SLC35F1: variants seen among roughly 807,000 people sequenced by gnomAD.
SLC35F1 encodes chromosome 6 open reading frame 169.
A neutral mutation model predicts 48.7 loss-of-function variants in SLC35F1; 14 were observed. The ratio of observed to expected loss-of-function variants is 0.29; its 90% CI spans 0.19 to 0.45. The LOEUF (loss-of-function observed/expected upper bound fraction) is 0.45, where lower values mean the gene tolerates loss of function less well. Ranked by LOEUF, SLC35F1 falls within the 20% of genes least tolerant of loss-of-function variation. The pLI is 1.00. For missense variants in SLC35F1, 404 were observed against 500.0 expected (o/e 0.81, Z 1.83); for synonymous variants, 190 against 202.2 (o/e 0.94, Z 0.51).
chr6:118,270,179 G>A (rs1057340176), intron 4 of SLC35F1, among the ~76,000 whole-genome samples: 6 of 151,930 alleles, frequency 3.9e-5, no homozygotes, highest in East Asian at 1.9e-4. Flanking sequence ...CATTGATGTC[G>A]GCCCTTTCAA....
intron 1 of SLC35F1, among the ~76,000 whole-genome samples, chr6:117,981,573 C>T (rs115471462): frequency 0.011 from 1,629 of 152,046 alleles, 26 homozygotes; most frequent in African/African-American, 0.035. Context: ...ATTGAAATGC[C>T]TCTGTATGGT....
chr6:117,993,028 C>A (rs906204641), intron 1 of SLC35F1, among the ~76,000 whole-genome samples: 4 of 152,170 alleles, frequency 2.6e-5, no homozygotes, highest in African/African-American at 9.6e-5. Flanking sequence ...AGCCACAGAC[C>A]CCGTTTATCA....
intron 2 of SLC35F1, among the ~76,000 whole-genome samples, chr6:118,228,876 A>C (rs190569128): frequency 8.6e-4 from 131 of 152,052 alleles, no homozygotes; most frequent in African/African-American, 2.9e-3. Context: ...GTTCTGGCGT[A>C]AAAACACCAT....
chr6:118,024,328 T>A (rs1404664405), intron 1 of SLC35F1, among the ~76,000 whole-genome samples: 1 of 152,132 alleles, frequency 6.6e-6, no homozygotes, highest in African/African-American at 2.4e-5. Context: ...TTCTCCAACA[T>A]AGTGCTAATT....
At chr6:118,253,124 G>A (rs1582753446) in intron 3 of SLC35F1, among the ~76,000 whole-genome samples, 1 of 152,132 alleles carries the variant, frequency 6.6e-6, no homozygotes, top group Non-Finnish European at 1.5e-5. Flanking sequence ...AGAACGGTAG[G>A]TGAAATCATT....
chr6:117,954,213 C>T (rs1022329413), intron 1 of SLC35F1, among the ~76,000 whole-genome samples: 7 of 152,110 alleles, frequency 4.6e-5, no homozygotes, highest in Non-Finnish European at 5.9e-5. Context: ...GTGTAATGAA[C>T]ATGGTGAATA....
At chr6:118,291,282 CACAT>C (rs1198225144) in intron 7 of SLC35F1, among the ~76,000 whole-genome samples, 10 of 128,772 alleles carry the variant, frequency 7.8e-5, no homozygotes, top group East Asian at 4.3e-4. Context: ...CACACACACA[CACAT>C]ATATAATAAC....
intron 1 of SLC35F1, among the ~76,000 whole-genome samples, chr6:118,018,259 T>C (rs1024678525): frequency 3.3e-5 from 5 of 151,900 alleles, no homozygotes; most frequent in African/African-American, 1.2e-4. Context: ...TAATCCCAGC[T>C]ACTCGGGAGG....
rs1193588226 is a variant in SLC35F1, at chr6:118,315,663, T to C, written c.*1411T>C. ...ACCGTGTTAGCCAGGATGGTCTCGATCTCCTGACCTCGTGATCCGCCCACC... is the reference window on the plus strand; with the variant it reads ...ACCGTGTTAGCCAGGATGGTCTCGACCTCCTGACCTCGTGATCCGCCCACC... On this transcript the variant is annotated 3_prime_UTR_variant, in exon 8 of 8. Coordinates refer to ENST00000360388, the MANE Select transcript of SLC35F1 (RefSeq NM_001029858.4). 2.0e-5 allele frequency: 3 copies of C among 152,008 alleles called. No homozygotes were observed. The highest frequency in any genetic ancestry group is 1.9e-4 in the East Asian group (1 of 5,176). The allele number at this position is 152,008 out of a possible 1,614,324, so 9.4% of individuals were successfully genotyped here. A position where few individuals can be genotyped will look rare whatever the true frequency, so the allele number is the denominator to read the frequency against.
At chr6:118,023,304 G>C (rs568305739) in intron 1 of SLC35F1, among the ~76,000 whole-genome samples, 1 of 152,246 alleles carries the variant, frequency 6.6e-6, no homozygotes, top group South Asian at 2.1e-4. Flanking sequence ...ATATTGTGTA[G>C]AGTTCAAGAT....
chr6:118,272,229 G>A (rs757668858), intron 4 of SLC35F1, among the ~76,000 whole-genome samples: 4 of 152,102 alleles, frequency 2.6e-5, no homozygotes, highest in Admixed American at 6.6e-5. Flanking sequence ...AGTTGGCTGC[G>A]GGGAAATGAG....
At chr6:118,142,176 G>A (rs1773899986) in intron 1 of SLC35F1, among the ~76,000 whole-genome samples, 1 of 152,136 alleles carries the variant, frequency 6.6e-6, no homozygotes, top group African/African-American at 2.4e-5. Context: ...TTTTAAAAAG[G>A]TTGAGCTTTT....
chr6:118,006,254 T>C (rs1777173203), intron 1 of SLC35F1, among the ~76,000 whole-genome samples: 1 of 152,164 alleles, frequency 6.6e-6, no homozygotes, highest in Non-Finnish European at 1.5e-5. Flanking sequence ...TCATCATTAC[T>C]ACAAATGTCT....
chr6:118,093,033 G>T (rs1161661192), intron 1 of SLC35F1, among the ~76,000 whole-genome samples: 2 of 152,110 alleles, frequency 1.3e-5, no homozygotes, highest in African/African-American at 4.8e-5. Flanking sequence ...GAAATGTGAG[G>T]ATGGCCAGGC....
chr6:117,970,798 TG>T (rs1363352798), intron 1 of SLC35F1, among the ~76,000 whole-genome samples: 7 of 152,152 alleles, frequency 4.6e-5, no homozygotes, highest in African/African-American at 1.7e-4. Context: ...AAGAACAGCA[TG>T]GGGAAGACTC....
At chr6:118,166,522 C>A (rs1198853285) in intron 2 of SLC35F1, among the ~76,000 whole-genome samples, 1 of 152,164 alleles carries the variant, frequency 6.6e-6, no homozygotes, top group Non-Finnish European at 1.5e-5. Flanking sequence ...TGATTTTAAA[C>A]TTTTGTTAGG....
chr6:118,000,810 C>T (rs1343250307), intron 1 of SLC35F1, among the ~76,000 whole-genome samples: 4 of 152,128 alleles, frequency 2.6e-5, no homozygotes, highest in African/African-American at 9.7e-5. Context: ...CAGTAACAGA[C>T]AAACAGAGAG....
chr6:118,281,311 G>A (rs988342823), intron 6 of SLC35F1, among the ~76,000 whole-genome samples: 3 of 151,748 alleles, frequency 2.0e-5, no homozygotes, highest in Non-Finnish European at 4.4e-5. Context: ...ATATAGATGA[G>A]TGTTATGTAT....
Position 118,070,214 on chromosome 6 carries a change from G to A in SLC35F1, c.174-84231G>A, listed in dbSNP as rs180915494. Among the ~76,000 whole-genome samples, 20 of 151,660 alleles carry A rather than the reference G, an allele frequency of 1.3e-4. 1 individual carries two copies. In the East Asian group the frequency reaches 2.5e-3, roughly 19 times the overall value. On this transcript the variant is annotated intron_variant, in intron 1 of 7. Coordinates refer to ENST00000360388, the MANE Select transcript of SLC35F1 (RefSeq NM_001029858.4). ...TTGATGCATAATACATTATGCAGTG[G>A]AGGCTAAGAGAATCTAAGAGTAAAA...
Sources: gnomAD v4.1 joint callset for allele counts (sites outside exome capture counted in the v4.1 genomes callset) on GRCh38, gnomAD v4.1.1 for gene constraint, MANE v1.5 for transcripts, NCBI Gene and HGNC (gene_info 2026-07-23, HGNC 2026-07-21) for gene names.